Variants in OTUD7A observed in about 807,000 individuals in gnomAD.
OTUD7A encodes the protein OTU domain-containing protein 7A.
OTUD7A carries 12 observed loss-of-function variants against 65.7 expected under a neutral mutation model. The observed-to-expected ratio is 0.18, with a 90% CI of 0.12 to 0.30. The LOEUF (loss-of-function observed/expected upper bound fraction) is 0.30, where lower values mean the gene tolerates loss of function less well. Among genes scored for constraint, OTUD7A ranks in the 10% least tolerant of loss-of-function variants. The pLI is 1.00. For missense variants in OTUD7A, 1,148 were observed against 1,304.8 expected (o/e 0.88, Z 1.85); for synonymous variants, 641 against 586.3 (o/e 1.09, Z -1.35).
chr15:31,607,655 C>T (rs1440235018), intron 3 of OTUD7A, among the ~76,000 whole-genome samples: 1 of 152,148 alleles, frequency 6.6e-6, no homozygotes, highest in Non-Finnish European at 1.5e-5. Flanking sequence ...TGTTCTAGTG[C>T]AATGTATTAC....
chr15:31,489,040 C>G (rs1008323220), intron 10 of OTUD7A, among the ~76,000 whole-genome samples: 5 of 152,224 alleles, frequency 3.3e-5, no homozygotes, highest in Non-Finnish European at 7.3e-5. Flanking sequence ...GGCAGACACA[C>G]CCAGGGAGGG....
At chr15:31,572,189 T>C (rs918605708) in intron 3 of OTUD7A, among the ~76,000 whole-genome samples, 18 of 152,220 alleles carry the variant, frequency 1.2e-4, no homozygotes, top group African/African-American at 4.3e-4. Flanking sequence ...AATTCTAATT[T>C]ATTTTGGATA....
At position 31,483,708 on chromosome 15, in the gene OTUD7A, C is replaced by T. The variant is rs1192411668; in HGVS notation, c.2388G>A (p.Gly796=). Residue 796 remains glycine, a synonymous_variant, in exon 13 of 13, where the codon GGG becomes GGA. Coordinates refer to ENST00000307050, the MANE Select transcript of OTUD7A (RefSeq NM_001382637.1). ...GGTACGTGGCGCACGGCCGCAGCGC[C>T]CCCACGGCCGGCGCGCACGCCTCGT... ...ARDEACAPAV[G]ALRPCATYPQ... The T allele has an allele frequency of 4.4e-6, 5 of 1,148,138 alleles. No homozygotes were observed. In the Admixed American group the frequency reaches 2.4e-4, roughly 56 times the overall value. The allele number at this position is 1,148,138 out of a possible 1,614,324, so 71.1% of individuals were successfully genotyped here.
At chr15:31,575,016 C>A (rs1889161838) in intron 3 of OTUD7A, among the ~76,000 whole-genome samples, 1 of 152,202 alleles carries the variant, frequency 6.6e-6, no homozygotes, top group African/African-American at 2.4e-5. Context: ...GCAACAAAGG[C>A]TCTTGCTCTG....
chr15:31,592,904 A>AATATATATAT (rs1226266359), intron 3 of OTUD7A, among the ~76,000 whole-genome samples: 9 of 59,384 alleles, frequency 1.5e-4, no homozygotes, highest in East Asian at 6.1e-4. Context: ...AAAAAAAAAA[A>AATATATATAT]ATATATATAT....
In OTUD7A at chr15:31,844,302, C is replaced by T. The variant is rs139112853; in HGVS notation, c.-100+26205G>A. On this transcript the variant is annotated intron_variant, in intron 1 of 12. Transcript: ENST00000307050. ...CAGGTGGATCATGAGGTCAGGGGTT[C>T]GAGACCAGCCTGACCAGCATAGTGA... 7.2e-3 allele frequency among the ~76,000 whole-genome samples: 1,102 copies of T among 152,250 alleles called. 12 individuals carry two copies. The highest frequency in any genetic ancestry group is 0.025 in the African/African-American group (1,055 of 41,554).
At chr15:31,808,227 C>G (rs1896330663) in intron 1 of OTUD7A, among the ~76,000 whole-genome samples, 1 of 151,900 alleles carries the variant, frequency 6.6e-6, no homozygotes, top group Non-Finnish European at 1.5e-5. Flanking sequence ...CCAGGATGAA[C>G]TGTCAAAGCA....
intron 5 of OTUD7A, among the ~76,000 whole-genome samples, chr15:31,553,377 G>A (rs955471916): frequency 6.6e-6 from 1 of 152,098 alleles, no homozygotes; most frequent in Admixed American, 6.5e-5. Context: ...ACTGCATGGA[G>A]CCAGGTTGGG....
At chr15:31,821,139 T>C (rs1391102507) in intron 1 of OTUD7A, among the ~76,000 whole-genome samples, 3 of 139,956 alleles carry the variant, frequency 2.1e-5, no homozygotes, top group Non-Finnish European at 4.7e-5. Flanking sequence ...ATTTCTTTTT[T>C]TTTTTTTTTT....
At chr15:31,717,465 C>T (rs548220049) in intron 1 of OTUD7A, among the ~76,000 whole-genome samples, 43 of 152,272 alleles carry the variant, frequency 2.8e-4, no homozygotes, top group African/African-American at 1.0e-3. Flanking sequence ...TGTTCAACTC[C>T]CACTTATGAG....
At chr15:31,630,134 C>G (rs1331707171) in intron 3 of OTUD7A, among the ~76,000 whole-genome samples, 1 of 148,740 alleles carries the variant, frequency 6.7e-6, no homozygotes, top group African/African-American at 2.5e-5. Flanking sequence ...CTTCTGCTAG[C>G]TTTTGAATGT....
intron 1 of OTUD7A, among the ~76,000 whole-genome samples, chr15:31,703,351 T>C (rs12437657): frequency 0.12 from 17,524 of 151,950 alleles, 1,272 homozygotes; most frequent in East Asian, 0.43. Flanking sequence ...AAAGGACTAC[T>C]ATCTAGAATA....
intron 3 of OTUD7A, among the ~76,000 whole-genome samples, chr15:31,628,425 G>A (rs1233105343): frequency 2.6e-5 from 4 of 152,100 alleles, no homozygotes; most frequent in African/African-American, 9.7e-5. Flanking sequence ...TTATTTCTGA[G>A]GGCTCTCTTC....
At chr15:31,862,437 G>A (rs1376627681) in intron 1 of OTUD7A, among the ~76,000 whole-genome samples, 2 of 152,148 alleles carry the variant, frequency 1.3e-5, no homozygotes, top group Admixed American at 6.5e-5. Context: ...AGACATACCC[G>A]AAACTGGGAA....
At chr15:31,794,561 T>C (rs995989449) in intron 1 of OTUD7A, among the ~76,000 whole-genome samples, 1 of 151,964 alleles carries the variant, frequency 6.6e-6, no homozygotes, top group African/African-American at 2.4e-5. Flanking sequence ...GATTCATTCA[T>C]TCAACTAATA....
chr15:31,630,478 C>T lies in OTUD7A; in HGVS notation c.151+24618G>A, dbSNP rs978399544. Reference sequence around the variant, plus strand: ...GAGACAGTTTGTTATAATTTCTGTTCTTTTACATTTGCTGAGGAGTGCTTT... The same window carrying T: ...GAGACAGTTTGTTATAATTTCTGTTTTTTTACATTTGCTGAGGAGTGCTTT... On this transcript the variant is annotated intron_variant, in intron 3 of 12. Transcript: ENST00000307050. Among the ~76,000 whole-genome samples, 68 of 152,212 alleles carry T rather than the reference C, an allele frequency of 4.5e-4. No individual in the cohort carries two copies. The East Asian group carries it at 0.011, about 26-fold the overall frequency.
intron 1 of OTUD7A, among the ~76,000 whole-genome samples, chr15:31,719,789 T>C (rs1054094303): frequency 6.6e-6 from 1 of 152,188 alleles, no homozygotes; most frequent in Non-Finnish European, 1.5e-5. Context: ...CTCTGAATGA[T>C]GTGATACCCT....
At chr15:31,489,313 T>A (rs1400227834) in intron 10 of OTUD7A, among the ~76,000 whole-genome samples, 4 of 152,186 alleles carry the variant, frequency 2.6e-5, no homozygotes, top group African/African-American at 4.8e-5. Flanking sequence ...TAAATAAGCA[T>A]CTCCTGTGGC....
At chr15:31,861,883 A>T (rs1897751136) in intron 1 of OTUD7A, among the ~76,000 whole-genome samples, 1 of 152,230 alleles carries the variant, frequency 6.6e-6, no homozygotes, top group Non-Finnish European at 1.5e-5. Context: ...ATGTCATCCC[A>T]CAGATGGCAC....
Sources: gnomAD v4.1 joint callset for allele counts (sites outside exome capture counted in the v4.1 genomes callset) on GRCh38, gnomAD v4.1.1 for gene constraint, MANE v1.5 for transcripts, NCBI Gene and HGNC (gene_info 2026-07-23, HGNC 2026-07-21) for gene names.